ZMAT4: variants seen among roughly 807,000 people sequenced by gnomAD.
ZMAT4 encodes the protein zinc finger matrin-type protein 4.
ZMAT4 carries 17 observed loss-of-function variants against 28.7 expected under a neutral mutation model. That is an observed-to-expected ratio of 0.59 (90% CI 0.41 to 0.89). ZMAT4 has a LOEUF of 0.89. ZMAT4 is among the 40% of genes least tolerant of loss of function. The pLI is 0.00. For missense variants in ZMAT4, 240 were observed against 283.8 expected (o/e 0.85, Z 1.11); for synonymous variants, 117 against 109.2 (o/e 1.07, Z -0.44).
At chr8:40,681,219 G>A (rs1303259951) in intron 4 of ZMAT4, among the ~76,000 whole-genome samples, 1 of 152,132 alleles carries the variant, frequency 6.6e-6, no homozygotes, top group Non-Finnish European at 1.5e-5. Context: ...TTCCAATAAT[G>A]CCTACAGAGC....
intron 6 of ZMAT4, among the ~76,000 whole-genome samples, chr8:40,535,446 G>A (rs143485370): frequency 0.12 from 17,708 of 152,088 alleles, 1,138 homozygotes; most frequent in Middle Eastern, 0.21. Flanking sequence ...TGAGGCAGGC[G>A]GATCATGAGG....
chr8:40,649,283 T>A (rs903697963), intron 5 of ZMAT4, among the ~76,000 whole-genome samples: 1 of 152,134 alleles, frequency 6.6e-6, no homozygotes. Flanking sequence ...TCCTAGTCTC[T>A]GATAAAACAG....
chr8:40,883,192 A>G (rs1171093701), intron 1 of ZMAT4, among the ~76,000 whole-genome samples: 1 of 152,148 alleles, frequency 6.6e-6, no homozygotes, highest in Admixed American at 6.5e-5. Context: ...TCCCACCCTC[A>G]GTCCTGGGCA....
intron 2 of ZMAT4, among the ~76,000 whole-genome samples, chr8:40,804,282 G>A (rs1172740309): frequency 6.6e-6 from 1 of 152,160 alleles, no homozygotes; most frequent in African/African-American, 2.4e-5. Context: ...TTTTAACAAT[G>A]CACCTCTATG....
intron 1 of ZMAT4, among the ~76,000 whole-genome samples, chr8:40,830,360 G>A (rs1387898861): frequency 1.3e-5 from 2 of 152,192 alleles, no homozygotes; most frequent in Non-Finnish European, 2.9e-5. Context: ...AGCCCCCAGT[G>A]TCCTTCTCTC....
At chr8:40,762,511 C>T (rs954782338) in intron 3 of ZMAT4, among the ~76,000 whole-genome samples, 2 of 151,884 alleles carry the variant, frequency 1.3e-5, no homozygotes, top group Admixed American at 6.6e-5. Flanking sequence ...TTTAAATTAG[C>T]CAGGTATGGT....
At chr8:40,815,889 T>G (rs1490250762) in intron 2 of ZMAT4, among the ~76,000 whole-genome samples, 1 of 152,182 alleles carries the variant, frequency 6.6e-6, no homozygotes, top group African/African-American at 2.4e-5. Flanking sequence ...GGGCATCAGC[T>G]TCACGGCAGC....
intron 2 of ZMAT4, among the ~76,000 whole-genome samples, chr8:40,800,152 G>A (rs1001378621): frequency 6.6e-6 from 1 of 152,096 alleles, no homozygotes; most frequent in Non-Finnish European, 1.5e-5. Context: ...GATAAAAAGA[G>A]GTATTATGTA....
chr8:40,601,758 T>G (rs1585742562), intron 5 of ZMAT4, among the ~76,000 whole-genome samples: 1 of 149,762 alleles, frequency 6.7e-6, no homozygotes, highest in African/African-American at 2.5e-5. Context: ...CAGGCAAAGG[T>G]AGAAGGCAAG....
In ZMAT4 at chr8:40,534,295, T is replaced by C. The variant is rs113402162; in HGVS notation, c.675-2057A>G. On this transcript the variant is annotated intron_variant, in intron 6 of 6. Coordinates refer to ENST00000297737, the MANE Select transcript of ZMAT4 (RefSeq NM_024645.3). Reference sequence around the variant, plus strand: ...TATTTTTGCTGGAAAGGCTACTTCATATTTTAGTCAGCATCCCATTTGATA... The same window carrying C: ...TATTTTTGCTGGAAAGGCTACTTCACATTTTAGTCAGCATCCCATTTGATA... Among the ~76,000 whole-genome samples the C allele has an allele frequency of 4.9e-3, 751 of 152,348 alleles. 11 individuals are homozygous for C. The highest frequency in any genetic ancestry group is 0.017 in the African/African-American group (713 of 41,576).
Position 40,839,000 on chromosome 8 carries a change from A to G in ZMAT4, c.-4-13320T>C, listed in dbSNP as rs73675731. 7.2e-3 allele frequency among the ~76,000 whole-genome samples: 1,095 copies of G among 152,316 alleles called. 17 individuals are homozygous for G. The highest frequency in any genetic ancestry group is 0.025 in the African/African-American group (1,054 of 41,562). On this transcript the variant is annotated intron_variant, in intron 1 of 6. Transcript: ENST00000297737. ...TATGGAAAAGACACCCTGGAAAGTG[A>G]TGAAACTTATCCAAATGTACCCTGT...
intron 1 of ZMAT4, among the ~76,000 whole-genome samples, chr8:40,834,137 T>C (rs1318305621): frequency 2.6e-5 from 4 of 152,198 alleles, no homozygotes; most frequent in Non-Finnish European, 5.9e-5. Context: ...GCTGGGCACA[T>C]GCACCTCACC....
chr8:40,677,484 C>T (rs1808961050), intron 4 of ZMAT4, among the ~76,000 whole-genome samples: 1 of 152,088 alleles, frequency 6.6e-6, no homozygotes, highest in Non-Finnish European at 1.5e-5. Flanking sequence ...TTCTAACGTC[C>T]CTGGTTTCCT....
At chr8:40,743,765 G>A (rs1323146869) in intron 3 of ZMAT4, among the ~76,000 whole-genome samples, 3 of 152,100 alleles carry the variant, frequency 2.0e-5, no homozygotes, top group African/African-American at 7.2e-5. Flanking sequence ...ATGGGGACTG[G>A]GGCACGGGGA....
chr8:40,823,983 C>T (rs1206344285), intron 2 of ZMAT4, among the ~76,000 whole-genome samples: 1 of 152,152 alleles, frequency 6.6e-6, no homozygotes, highest in African/African-American at 2.4e-5. Flanking sequence ...GCTTCCAAAG[C>T]ATTTTCACAG....
At chr8:40,771,354 T>C (rs1046221188) in intron 2 of ZMAT4, among the ~76,000 whole-genome samples, 8 of 151,166 alleles carry the variant, frequency 5.3e-5, no homozygotes, top group Non-Finnish European at 1.0e-4. Flanking sequence ...AAAAAACCCA[T>C]GATTCATTAG....
At chr8:40,673,555 A>C (rs951944366) in intron 5 of ZMAT4, among the ~76,000 whole-genome samples, 1 of 152,204 alleles carries the variant, frequency 6.6e-6, no homozygotes, top group Admixed American at 6.5e-5. Flanking sequence ...TCTGAAGTAT[A>C]GTATCAATAG....
intron 2 of ZMAT4, among the ~76,000 whole-genome samples, chr8:40,777,225 G>A (rs1813636127): frequency 1.3e-5 from 2 of 152,118 alleles, no homozygotes; most frequent in Admixed American, 6.6e-5. Flanking sequence ...TTATAAAGTG[G>A]TTGAGAAACA....
At chr8:40,839,990 C>T (rs951395635) in intron 1 of ZMAT4, among the ~76,000 whole-genome samples, 1 of 152,208 alleles carries the variant, frequency 6.6e-6, no homozygotes, top group Non-Finnish European at 1.5e-5. Flanking sequence ...CCAAACAAAA[C>T]TAAGTGGTGA....
Sources: allele counts gnomAD v4.1 joint callset (sites outside exome capture counted in the v4.1 genomes callset), GRCh38; gene constraint gnomAD v4.1.1; transcripts MANE v1.5; gene names NCBI Gene and HGNC (gene_info 2026-07-23, HGNC 2026-07-21).